Variants in ZNF79 observed in about 807,000 individuals in gnomAD.
ZNF79 encodes the protein ZNFpT7.
A neutral mutation model predicts 14.9 loss-of-function variants in ZNF79; 13 were observed. The observed-to-expected ratio is 0.87, with a 90% CI of 0.57 to 1.38. ZNF79 has a LOEUF of 1.38. ZNF79 is among the 40% of genes most tolerant of loss of function. The pLI is 0.00. For missense variants in ZNF79, 631 were observed against 630.6 expected (o/e 1.00, Z -0.01); for synonymous variants, 223 against 235.1 (o/e 0.95, Z 0.47).
chr9:127,443,855 C>G (rs2248154), intron 4 of ZNF79, among the ~76,000 whole-genome samples, 174 bp from the exon 5 acceptor site: 5 of 144,340 alleles, frequency 3.5e-5, no homozygotes, highest in African/African-American at 1.3e-4. Context: ...GAGCTGAGAT[C>G]GTGCCACTGC....
At chr9:127,430,198 T>A (rs1346834149) in intron 2 of ZNF79, among the ~76,000 whole-genome samples, 1 of 152,254 alleles carries the variant, frequency 6.6e-6, no homozygotes, top group African/African-American at 2.4e-5. Flanking sequence ...CAGAATTCGA[T>A]GAACATTCTC....
At chr9:127,424,885 CAG>C in intron 1 of ZNF79, 82 bp downstream of exon 1, 1 of 1,598,520 alleles carries the variant, frequency 6.3e-7, no homozygotes, top group Non-Finnish European at 8.5e-7. Context: ...TGAGCCGAAT[CAG>C]AACTCTCTTT....
chr9:127,428,381 A>C (rs975274467), intron 1 of ZNF79, among the ~76,000 whole-genome samples: 2 of 152,196 alleles, frequency 1.3e-5, no homozygotes, highest in Non-Finnish European at 2.9e-5. Context: ...TTTTCATTTA[A>C]GCAAATGCCT....
At position 127,445,168 on chromosome 9, in the gene ZNF79, AGACATCAGAGACTCCACGCCG is replaced by A; in HGVS notation, c.1471_1491del (p.His491_Gly497del). The A allele has an allele frequency of 6.2e-7, 1 of 1,614,164 alleles. No individual in the cohort carries two copies. The highest frequency in any genetic ancestry group is 8.5e-7 in the Non-Finnish European group (1 of 1,179,998). On this transcript the variant is annotated inframe_deletion, in exon 5 of 5. Coordinates refer to ENST00000342483, the MANE Select transcript of ZNF79 (RefSeq NM_007135.3). ...CTTCCGGTGCAGCTCTGCCTTCGTT[AGACATCAGAGACTCCACGCCG>A]GAGAGTAACTAGGAACATGGTAGAA...
chr9:127,436,092 T>C (rs1474894082), intron 4 of ZNF79, 89 bp downstream of exon 4: 7 of 1,123,856 alleles, frequency 6.2e-6, no homozygotes, highest in Non-Finnish European at 9.4e-6. Flanking sequence ...TCATAACAAC[T>C]GTGAGGTAGG....
chr9:127,424,718 G>C lies in ZNF79; in HGVS notation c.-70G>C. The C allele has an allele frequency of 6.2e-7, 1 of 1,609,814 alleles. No homozygotes were observed. Among genetic ancestry groups the C allele is most frequent in the Non-Finnish European group, 8.5e-7 (1 of 1,177,924 alleles). On this transcript the variant is annotated 5_prime_UTR_variant, in exon 1 of 5. Transcript: ENST00000342483. Reference sequence around the variant, plus strand: ...TCAGAGCAGCCCTGCAGAACGGGGTGGGGGCTGCTGTAGATAGACCCTTAC... The same window carrying C: ...TCAGAGCAGCCCTGCAGAACGGGGTCGGGGCTGCTGTAGATAGACCCTTAC...
At chr9:127,426,690 C>T (rs1004361108) in intron 1 of ZNF79, among the ~76,000 whole-genome samples, 5 of 152,184 alleles carry the variant, frequency 3.3e-5, no homozygotes, top group African/African-American at 4.8e-5. Flanking sequence ...TTATAGCATG[C>T]GTCAGTACTT....
At chr9:127,428,947 C>T (rs1372137655) in intron 2 of ZNF79, 27 bp downstream of exon 2, 3 of 1,495,442 alleles carry the variant, frequency 2.0e-6, no homozygotes, top group South Asian at 2.5e-5. Context: ...CTTTGGAAGG[C>T]ATCCTTTTCT....
chr9:127,424,764 G>T lies in ZNF79; in HGVS notation c.-24G>T. The T allele has an allele frequency of 2.5e-6, 4 of 1,613,834 alleles. No homozygotes were observed. Among genetic ancestry groups the T allele is most frequent in the Non-Finnish European group, 3.4e-6 (4 of 1,179,988 alleles). ...CTTACGCCCAGAGAACTGCTGGGAG[G>T]CTGTGGCGCGAGGCGGGACTCAAAT... On this transcript the variant is annotated 5_prime_UTR_variant, in exon 1 of 5. Transcript: ENST00000342483.
In ZNF79 at chr9:127,428,066, G is replaced by T. The variant is rs1450661378; in HGVS notation, c.17-766G>T. Reference sequence around the variant, plus strand: ...TGTGATCACAACTTGCTGCAGCCTCGACCTCCCTGGCTCAAGCGATCCTCC... The same window carrying T: ...TGTGATCACAACTTGCTGCAGCCTCTACCTCCCTGGCTCAAGCGATCCTCC... On this transcript the variant is annotated intron_variant, in intron 1 of 4. Transcript: ENST00000342483. Among the ~76,000 whole-genome samples the T allele has an allele frequency of 2.0e-5, 3 of 151,740 alleles. No individual in the cohort carries two copies. In the East Asian group the frequency reaches 5.8e-4, roughly 30 times the overall value.
At chr9:127,428,562 T>C in intron 1 of ZNF79, 1 of 752,128 alleles carries the variant, frequency 1.3e-6, no homozygotes, top group Non-Finnish European at 1.7e-6. Context: ...ATGAGAAAAA[T>C]GAGACTTAGA....
intron 3 of ZNF79, 112 bp downstream of exon 3, chr9:127,435,328 G>GT: frequency 8.0e-7 from 1 of 1,250,652 alleles, no homozygotes; most frequent in Non-Finnish European, 1.1e-6. Context: ...GAGGGATGGT[G>GT]TTTATTCCTC....
At chr9:127,427,881 T>G (rs112139343) in intron 1 of ZNF79, among the ~76,000 whole-genome samples, 3,424 of 152,318 alleles carry the variant, frequency 0.022, 146 homozygotes, top group African/African-American at 0.077. Flanking sequence ...CCAACTTACC[T>G]ATTTTCTCTT....
chr9:127,424,753 ACTG>A lies in ZNF79; in HGVS notation c.-31_-29del, dbSNP rs1833719432. ...GTAGATAGACCCTTACGCCCAGAGA[ACTG>A]CTGGGAGGCTGTGGCGCGAGGCGGG... is the stretch of plus-strand genomic sequence containing the variant. On this transcript the variant is annotated 5_prime_UTR_variant, in exon 1 of 5. Transcript: ENST00000342483. 2 of 1,613,550 alleles carry A rather than the reference ACTG, an allele frequency of 1.2e-6. No homozygotes were observed.
chr9:127,444,092 C>T lies in ZNF79; in HGVS notation c.392C>T (p.Pro131Leu). The change falls in exon 5 of 5, where the codon CCA becomes CTA. Residue 131 changes from proline to leucine, a missense_variant. Physicochemically the swap from Pro to Leu is moderately conservative, Grantham distance 98. Transcript: ENST00000342483. Reference protein sequence around the residue: ...QALSEASFQDPCVEMPPGDSD... With the variant: ...QALSEASFQDLCVEMPPGDSD... ...CTTTCTGAAGCTTCATTCCAAGACCCATGTGTAGAGATGCCCCCTGGGGAT... is the reference window on the plus strand; with the variant it reads ...CTTTCTGAAGCTTCATTCCAAGACCTATGTGTAGAGATGCCCCCTGGGGAT... 2 of 1,612,656 alleles carry T rather than the reference C, an allele frequency of 1.2e-6. No homozygotes were observed. Among genetic ancestry groups the T allele is most frequent in the East Asian group, 2.2e-5 (1 of 44,848 alleles).
Position 127,445,296 on chromosome 9 carries a change from A to T in ZNF79, c.*99A>T. 1 of 1,347,692 alleles carries T rather than the reference A, an allele frequency of 7.4e-7. No individual in the cohort carries two copies. Among genetic ancestry groups the T allele is most frequent in the Non-Finnish European group, 1.0e-6 (1 of 984,760 alleles). 83.5% of individuals were successfully genotyped at this position (1,347,692 alleles called of 1,614,324 possible). A position where few individuals can be genotyped will look rare whatever the true frequency, so the allele number is the denominator to read the frequency against. On this transcript the variant is annotated 3_prime_UTR_variant, in exon 5 of 5. Coordinates refer to ENST00000342483, the MANE Select transcript of ZNF79 (RefSeq NM_007135.3). ...GCTAAAGGCTTGAAAGCATCTGAAG[A>T]CATCTAACTTAGAGTCTGCAGCCCA...
chr9:127,427,115 G>T (rs923407403), intron 1 of ZNF79, among the ~76,000 whole-genome samples: 10 of 151,596 alleles, frequency 6.6e-5, no homozygotes, highest in Non-Finnish European at 1.3e-4. Flanking sequence ...CAAATCTTTT[G>T]CCCATTTAAG....
intron 4 of ZNF79, among the ~76,000 whole-genome samples, chr9:127,438,184 T>A (rs1187525918): frequency 6.6e-6 from 1 of 152,222 alleles, no homozygotes; most frequent in Non-Finnish European, 1.5e-5. Flanking sequence ...TACCTGGAGA[T>A]AGCATCAGAT....
intron 1 of ZNF79, among the ~76,000 whole-genome samples, chr9:127,427,316 G>A (rs1833775499): frequency 6.6e-6 from 1 of 151,314 alleles, no homozygotes; most frequent in South Asian, 2.1e-4. Flanking sequence ...CCAGCTACTT[G>A]GGAGGCTGAG....
Sources: gnomAD v4.1 joint callset for allele counts (sites outside exome capture counted in the v4.1 genomes callset) on GRCh38, gnomAD v4.1.1 for gene constraint, MANE v1.5 for transcripts, NCBI Gene and HGNC (gene_info 2026-07-23, HGNC 2026-07-21) for gene names.